Variants in SERPINB4 observed in about 807,000 individuals in gnomAD.
SERPINB4 encodes serpin family B member 4.
A neutral mutation model predicts 33.2 loss-of-function variants in SERPINB4; 39 were observed. The observed-to-expected ratio is 1.18, with a 90% CI of 0.91 to 1.53. The LOEUF (loss-of-function observed/expected upper bound fraction) is 1.53. Ranked by LOEUF, SERPINB4 falls within the 40% of genes most tolerant of loss-of-function variation. SERPINB4 has a pLI of 0.00. For missense variants in SERPINB4, 564 were observed against 455.4 expected, an observed-to-expected ratio of 1.24 and a Z score of -2.17; for synonymous variants, 191 against 166.4, an observed-to-expected ratio of 1.15 and a Z score of -1.14.
At chr18:63,643,875 A>G (rs867136004) in intron 1 of SERPINB4, among the ~76,000 whole-genome samples, 16 of 152,048 alleles carry the variant, frequency 1.1e-4, no homozygotes, top group Admixed American at 9.8e-4. Flanking sequence ...GTTACACTAG[A>G]GCTAGGTAGG....
rs1912987229 is a variant in SERPINB4, at chr18:63,637,927, C to T, written c.965G>A (p.Gly322Asp). 1 of 1,613,600 alleles carries T rather than the reference C, an allele frequency of 6.2e-7. No individual in the cohort carries two copies. Residue 322 changes from glycine to aspartate, a missense_variant, in exon 8 of 8, where the codon GGT becomes GAT. Coordinates refer to ENST00000341074, the MANE Select transcript of SERPINB4 (RefSeq NM_002974.4). ...ADLSGMTWSH[G>D]LSVSKVLHKA... ...GTGTAGGACTTTAGATACTGAGAGA[C>T]CGTGGCTCCAGGTCATGCCTGAGAG...
In SERPINB4 at chr18:63,639,627, A is replaced by G. The variant is rs1913057009; in HGVS notation, c.612+7T>C. On this transcript the variant is annotated splice_region_variant and intron_variant, in intron 6 of 7. Transcript: ENST00000341074. ...ATTACACTATATAAATAAAATATAG[A>G]CAATACCTTGTTTGGCCAAAATTTT... 2 of 1,526,998 alleles carry G rather than the reference A, an allele frequency of 1.3e-6. No homozygotes were observed. Among genetic ancestry groups the G allele is most frequent in the Non-Finnish European group, 1.8e-6 (2 of 1,102,944 alleles). The allele number at this position is 1,526,998 out of a possible 1,614,324, so 94.6% of individuals were successfully genotyped here. A position where few individuals can be genotyped will look rare whatever the true frequency, so the allele number is the denominator to read the frequency against.
At chr18:63,641,634 G>A (rs1913133401) in intron 4 of SERPINB4, 126 bp downstream of exon 4, 8 of 1,399,268 alleles carry the variant, frequency 5.7e-6, no homozygotes, top group Middle Eastern at 1.8e-4. Context: ...TGGAGCTAAT[G>A]CACTCTGAGT....
chr18:63,642,516 T>A (rs907995799), intron 3 of SERPINB4, among the ~76,000 whole-genome samples: 6 of 152,076 alleles, frequency 3.9e-5, no homozygotes, highest in African/African-American at 1.4e-4. Flanking sequence ...GAGACATAAA[T>A]TAGAAGTGCC....
At chr18:63,640,271 C>T (rs1913081791) in intron 5 of SERPINB4, among the ~76,000 whole-genome samples, 2 of 151,978 alleles carry the variant, frequency 1.3e-5, no homozygotes, top group Admixed American at 1.3e-4. Context: ...GGGTATCTTC[C>T]TATTCACTCT....
Position 63,639,637 on chromosome 18 carries a change from G to C in SERPINB4, c.609C>G (p.Asn203Lys). Residue 203 changes from asparagine (N) to lysine (K), a missense_variant, in exon 6 of 8, where the codon AAC becomes AAG. Asn to Lys is a moderately conservative substitution (Grantham distance 94). Coordinates refer to ENST00000341074, the MANE Select transcript of SERPINB4 (RefSeq NM_002974.4). ...ATAAATAAAATATAGACAATACCTT[G>C]TTTGGCCAAAATTTTTCCTCTTTAG... ...ENTKEEKFWP[N>K]KNTYKSVQMM... The C allele has an allele frequency of 6.3e-7, 1 of 1,591,364 alleles. No individual in the cohort carries two copies. The highest frequency in any genetic ancestry group is 8.6e-7 in the Non-Finnish European group (1 of 1,161,104).
At position 63,639,330 on chromosome 18, in the gene SERPINB4, T is replaced by G. The variant is rs1568163049; in HGVS notation, c.623A>C (p.Lys208Thr). Residue 208 changes from lysine (K) to threonine (T), a missense_variant, in exon 7 of 8, where the codon AAA becomes ACA. Physicochemically the swap from Lys to Thr is moderately conservative, Grantham distance 78. Transcript: ENST00000341074. ...GTATTGCCTCATCATCTGTACAGAT[T>G]TGTATGTATTCTGCAATAAATCAAT... ...EKFWPNKNTY[K>T]SVQMMRQYNS... The G allele has an allele frequency of 3.1e-6, 5 of 1,605,506 alleles. No individual in the cohort carries two copies. The highest frequency in any genetic ancestry group is 4.3e-6 in the Non-Finnish European group (5 of 1,174,688).
Position 63,639,789 on chromosome 18 carries a change from G to C in SERPINB4, c.470-13C>G, listed in dbSNP as rs754498233. 6.2e-6 allele frequency: 10 copies of C among 1,602,770 alleles called. No individual in the cohort carries two copies. The East Asian group carries it at 1.3e-4, about 21-fold the overall frequency. ...TTTTTAATTTTTTCTGCAAGGGAAAGAATAAAAGAGTCTTTTACACAAGCT... is the reference window on the plus strand; with the variant it reads ...TTTTTAATTTTTTCTGCAAGGGAAACAATAAAAGAGTCTTTTACACAAGCT... On this transcript the variant is annotated splice_polypyrimidine_tract_variant and intron_variant, in intron 5 of 7. Coordinates refer to ENST00000341074, the MANE Select transcript of SERPINB4 (RefSeq NM_002974.4).
In SERPINB4 at chr18:63,637,672, C is replaced by T. The variant is rs1172500052; in HGVS notation, c.*47G>A. On this transcript the variant is annotated 3_prime_UTR_variant, in exon 8 of 8. Transcript: ENST00000341074. ...GTTGCCAGCAATCAGTTTACCAGAA[C>T]ACCTCTAGGTGAACATTTTCTAAAT... 1 of 1,520,218 alleles carries T rather than the reference C, an allele frequency of 6.6e-7. No individual in the cohort carries two copies. Among genetic ancestry groups the T allele is most frequent in the Non-Finnish European group, 8.8e-7 (1 of 1,132,874 alleles). The allele number at this position is 1,520,218 out of a possible 1,614,324, so 94.2% of individuals were successfully genotyped here.
intron 4 of SERPINB4, among the ~76,000 whole-genome samples, chr18:63,641,362 T>G (rs1224402662): frequency 6.6e-6 from 1 of 152,122 alleles, no homozygotes; most frequent in Non-Finnish European, 1.5e-5. Context: ...CATTCAATAT[T>G]TCCTGGTACT....
At chr18:63,642,202 T>G (rs1913158364) in intron 3 of SERPINB4, among the ~76,000 whole-genome samples, 1 of 152,172 alleles carries the variant, frequency 6.6e-6, no homozygotes, top group Non-Finnish European at 1.5e-5. Flanking sequence ...AGTTAAACTC[T>G]CAGCTCCTTA....
intron 2 of SERPINB4, 76 bp downstream of exon 2, chr18:63,643,337 C>T: frequency 6.2e-7 from 1 of 1,609,632 alleles, no homozygotes; most frequent in African/African-American, 1.3e-5. Flanking sequence ...ACCACCACAT[C>T]TATTACCATC....
At chr18:63,643,843 CTT>C (rs2144479070) in intron 1 of SERPINB4, among the ~76,000 whole-genome samples, 1 of 152,212 alleles carries the variant, frequency 6.6e-6, no homozygotes, top group Non-Finnish European at 1.5e-5. Context: ...AATCGACCCT[CTT>C]TATCTTTCTT....
intron 3 of SERPINB4, 85 bp downstream of exon 3, chr18:63,643,076 C>A: frequency 6.4e-7 from 1 of 1,573,480 alleles, no homozygotes; most frequent in Non-Finnish European, 8.7e-7. Context: ...TAAAACTGGC[C>A]TTTTCTTAGT....
intron 7 of SERPINB4, 24 bp from the exon 8 acceptor site, chr18:63,638,147 T>A: frequency 6.2e-7 from 1 of 1,603,300 alleles, no homozygotes; most frequent in Non-Finnish European, 8.5e-7. Context: ...AAAAAGAAAC[T>A]GATATGACTA....
At chr18:63,641,666 G>C in intron 4 of SERPINB4, 94 bp downstream of exon 4, 1 of 1,598,850 alleles carries the variant, frequency 6.3e-7, no homozygotes, top group Non-Finnish European at 8.6e-7. Context: ...ACCTGAGTCG[G>C]CCAGGCTCAT....
intron 6 of SERPINB4, 111 bp downstream of exon 6, chr18:63,639,523 A>C: frequency 9.9e-7 from 1 of 1,005,336 alleles, no homozygotes; most frequent in South Asian, 1.8e-5. Context: ...ACAACAAAAT[A>C]ACAGACATGA....
Position 63,637,455 on chromosome 18 carries a change from C to T in SERPINB4, c.*264G>A, listed in dbSNP as rs533610572. 25 of 340,134 alleles carry T rather than the reference C, an allele frequency of 7.4e-5. No individual in the cohort carries two copies. In the Middle Eastern group the frequency reaches 2.4e-3, roughly 33 times the overall value. The allele number at this position is 340,134 out of a possible 1,614,324, so 21.1% of individuals were successfully genotyped here. On this transcript the variant is annotated 3_prime_UTR_variant, in exon 8 of 8. Coordinates refer to ENST00000341074, the MANE Select transcript of SERPINB4 (RefSeq NM_002974.4). ...AATTATATTTCAAATTTAGAAGACA[C>T]GGTATTAAATGATTCATCTTATCTT... is the stretch of plus-strand genomic sequence containing the variant.
intron 3 of SERPINB4, chr18:63,642,914 G>A (rs577364483): frequency 3.6e-5 from 18 of 506,112 alleles, no homozygotes; most frequent in South Asian, 2.0e-4. Flanking sequence ...AGCAAAGCTG[G>A]AGTCTGAACC....
Sources: allele counts gnomAD v4.1 joint callset (sites outside exome capture counted in the v4.1 genomes callset), GRCh38; gene constraint gnomAD v4.1.1; transcripts MANE v1.5; gene names NCBI Gene and HGNC (gene_info 2026-07-23, HGNC 2026-07-21).